TEP1: variants seen among roughly 807,000 people sequenced by gnomAD.
The protein encoded by TEP1 is telomerase protein component 1.
A neutral mutation model predicts 306.3 loss-of-function variants in TEP1; 241 were observed. The observed-to-expected ratio is 0.79, with a 90% confidence interval of 0.71 to 0.88. The LOEUF is 0.88. Among genes scored for constraint, TEP1 ranks in the 40% least tolerant of loss-of-function variants. The pLI, the probability that TEP1 is intolerant of heterozygous loss-of-function variation, is 0.00. For missense variants in TEP1, 3,051 were observed against 3,276.1 expected (o/e 0.93, Z 1.68); for synonymous variants, 1,289 against 1,305.5 (o/e 0.99, Z 0.27).
chr14:20,378,476 G>A lies in TEP1; in HGVS notation c.5412C>T (p.Asn1804=), dbSNP rs1400555145. Residue 1804 remains asparagine (N), a synonymous_variant, in exon 38 of 55, where the codon AAC becomes AAT. Transcript: ENST00000262715. The stretch of plus-strand genomic sequence containing the variant: ...GCCCCTCTGGGTGGAAGGCAACACA[G>A]TTCAGGGACTTGGGGTAGGTGTGCT... ...AFQHTYPKSL[N]CVAFHPEGQV... 2 of 1,614,242 alleles carry A rather than the reference G, an allele frequency of 1.2e-6. No homozygotes were observed.
Position 20,369,441 on chromosome 14 carries a change from T to C in TEP1, c.7559A>G (p.Asp2520Gly). 6.2e-7 allele frequency: 1 copy of C among 1,614,196 alleles called. No homozygotes were observed. Among genetic ancestry groups the C allele is most frequent in the Non-Finnish European group, 8.5e-7 (1 of 1,180,036 alleles). ...ATCAGATTCCCTGCAGGTAGATGGGTCTGTCCCTGGAGTTTGGGTTTCTGG... is the reference window on the plus strand; with the variant it reads ...ATCAGATTCCCTGCAGGTAGATGGGCCTGTCCCTGGAGTTTGGGTTTCTGG... ...NTPETQTPGT[D>G]PSTCRESDAS... Residue 2520 changes from aspartate to glycine, a missense_variant, in exon 53 of 55, where the codon GAC becomes GGC. Around this residue, in one of 3 missense-constraint regions of TEP1, gnomAD observed 1,540 missense variants for 1,705.9 expected, o/e 0.90. Coordinates refer to ENST00000262715, the MANE Select transcript of TEP1 (RefSeq NM_007110.5).
chr14:20,409,816 C>G (rs533851593), intron 1 of TEP1, among the ~76,000 whole-genome samples: 15 of 151,946 alleles, frequency 9.9e-5, no homozygotes, highest in Middle Eastern at 3.4e-3. Context: ...GTCAGGAGAT[C>G]GAGACCATCC....
chr14:20,392,397 C>T (rs1219100326), intron 12 of TEP1, among the ~76,000 whole-genome samples: 1 of 148,136 alleles, frequency 6.8e-6, no homozygotes, highest in Non-Finnish European at 1.5e-5. Context: ...GAGTAGTGGT[C>T]CCACTTAAAT....
chr14:20,378,980 C>T lies in TEP1; in HGVS notation c.5252+1G>A. ...CAAGACAAATGGGGAGGACCCCTTA[C>T]CGACAACCATGCTGCAGGTCCCAGA... On this transcript the variant is annotated splice_donor_variant, in intron 36 of 54. Transcript: ENST00000262715. LOFTEE classifies it high-confidence loss of function. The T allele has an allele frequency of 6.2e-7, 1 of 1,614,214 alleles. No individual in the cohort carries two copies. The highest frequency in any genetic ancestry group is 8.5e-7 in the Non-Finnish European group (1 of 1,180,034).
In TEP1 at chr14:20,375,865, G is replaced by A; in HGVS notation, c.6253C>T (p.Leu2085Phe). 6.2e-7 allele frequency: 1 copy of A among 1,609,362 alleles called. No homozygotes were observed. ...SLATGGRDRSLLCWDVRTPKT... is the reference protein window; with the variant it reads ...SLATGGRDRSFLCWDVRTPKT... ...GGTGTCCTCACGTCCCAGCAGAGGA[G>A]ACTCTGGATAGGCCCCAAGGAGAGG... is the stretch of plus-strand genomic sequence containing the variant. The change falls in exon 43 of 55, where the codon CTC becomes TTC. Residue 2085 changes from leucine to phenylalanine, a missense_variant. Physicochemically the swap from Leu to Phe is conservative, Grantham distance 22 (BLOSUM62 0). Transcript: ENST00000262715.
chr14:20,384,487 A>T lies in TEP1; in HGVS notation c.3243T>A (p.Gly1081=). The T allele has an allele frequency of 6.2e-7, 1 of 1,612,846 alleles. No homozygotes were observed. Among genetic ancestry groups the T allele is most frequent in the Middle Eastern group, 1.7e-4 (1 of 6,060 alleles). Reference sequence around the variant, plus strand: ...CAACATAGGGCCGGCCAGCTGCCACACCCCCCCACTCACAGGGGTATCTGT... The same window carrying T: ...CAACATAGGGCCGGCCAGCTGCCACTCCCCCCCACTCACAGGGGTATCTGT... ...TCRRYPCEWG[G]VAAGRPYVGG... Residue 1081 remains glycine, a synonymous_variant, in exon 23 of 55, where the codon GGT becomes GGA. Coordinates refer to ENST00000262715, the MANE Select transcript of TEP1 (RefSeq NM_007110.5).
intron 1 of TEP1, among the ~76,000 whole-genome samples, chr14:20,411,009 A>G (rs1056677234): frequency 6.6e-6 from 1 of 151,464 alleles, no homozygotes; most frequent in Non-Finnish European, 1.5e-5. Context: ...TGTAGTAGAG[A>G]CAGGGTTTCA....
intron 1 of TEP1, among the ~76,000 whole-genome samples, chr14:20,413,143 C>T (rs1879803749): frequency 6.6e-6 from 1 of 152,310 alleles, no homozygotes; most frequent in African/African-American, 2.4e-5. Context: ...TCCTGTCCCT[C>T]CCTCTCCTTC....
In TEP1 at chr14:20,378,522, A is replaced by T; in HGVS notation, c.5366T>A (p.Val1789Asp). Residue 1789 changes from valine to aspartate, a missense_variant, in exon 38 of 55, where the codon GTC becomes GAC. Val to Asp is a radical substitution (Grantham distance 152). Transcript: ENST00000262715. ...LGGCLKLWDT[V>D]RGQLAFQHTY... The stretch of plus-strand genomic sequence containing the variant: ...GTGCTGGAAGGCCAGCTGCCCACGG[A>T]CTGTGTCCCACAGCTGAGGGAGAGA... The T allele has an allele frequency of 6.2e-7, 1 of 1,614,222 alleles. No homozygotes were observed. The highest frequency in any genetic ancestry group is 8.5e-7 in the Non-Finnish European group (1 of 1,180,052).
intron 16 of TEP1, 140 bp from the exon 17 acceptor site, chr14:20,389,437 T>C (rs993862201): frequency 7.0e-7 from 1 of 1,427,062 alleles, no homozygotes; most frequent in Non-Finnish European, 9.8e-7. Context: ...GGGTGGACTC[T>C]CACAGAGGGG....
intron 9 of TEP1, among the ~76,000 whole-genome samples, chr14:20,397,830 T>C (rs920581923): frequency 2.0e-5 from 3 of 152,010 alleles, no homozygotes; most frequent in Non-Finnish European, 2.9e-5. Flanking sequence ...CTCAGCTCAC[T>C]GCAACCTCTG....
chr14:20,394,383 G>A (rs4982038), intron 12 of TEP1, among the ~76,000 whole-genome samples: 43,238 of 151,520 alleles, frequency 0.29, 6,657 homozygotes, highest in Non-Finnish European at 0.35. Flanking sequence ...CAACTCAGAC[G>A]TCACTAGCAT....
intron 18 of TEP1, among the ~76,000 whole-genome samples, chr14:20,387,008 C>G (rs1172525629): frequency 6.6e-6 from 1 of 151,388 alleles, no homozygotes; most frequent in Non-Finnish European, 1.5e-5. Context: ...GATCTCGGCT[C>G]ACTGCAACCT....
At chr14:20,376,031 GA>G (rs758311206) in intron 42 of TEP1, 72 bp downstream of exon 42, 1 of 1,571,966 alleles carries the variant, frequency 6.4e-7, no homozygotes, top group Non-Finnish European at 8.7e-7. Context: ...GAAGCAATGG[GA>G]AATGGGTTGT....
At chr14:20,376,441 G>A (rs922138184) in intron 41 of TEP1, among the ~76,000 whole-genome samples, 177 bp from the exon 42 acceptor site, 1 of 152,174 alleles carries the variant, frequency 6.6e-6, no homozygotes, top group African/African-American at 2.4e-5. Flanking sequence ...GGTCATCAGC[G>A]AGTGTGTACA....
chr14:20,399,408 C>T (rs552520737), intron 9 of TEP1, among the ~76,000 whole-genome samples: 1 of 152,178 alleles, frequency 6.6e-6, no homozygotes, highest in South Asian at 2.1e-4. Flanking sequence ...GCAAAATTCA[C>T]TAATTTCATT....
At chr14:20,394,474 C>CTGTTTT (rs1878012529) in intron 12 of TEP1, among the ~76,000 whole-genome samples, 1 of 100,456 alleles carries the variant, frequency 1.0e-5, no homozygotes, top group African/African-American at 4.0e-5. Context: ...GCCCCTTGGG[C>CTGTTTT]TTTTTTTTTT....
Position 20,387,958 on chromosome 14 carries a change from G to A in TEP1, c.2631C>T (p.Leu877=), listed in dbSNP as rs769020744. The change falls in exon 18 of 55, where the codon CTC becomes CTT. Residue 877 remains leucine, a synonymous_variant. Coordinates refer to ENST00000262715, the MANE Select transcript of TEP1 (RefSeq NM_007110.5). ...PPPGKTGVQS[L]RPLEEDTPSP... ...TTGGAGTGTCCTCTTCCAGTGGCCG[G>A]AGAGACTGGACCCCTGTCTTTCCTG... 2 of 1,614,140 alleles carry A rather than the reference G, an allele frequency of 1.2e-6. No homozygotes were observed. The highest frequency in any genetic ancestry group is 1.1e-5 in the South Asian group (1 of 91,050).
intron 41 of TEP1, among the ~76,000 whole-genome samples, 159 bp downstream of exon 41, chr14:20,377,121 A>G (rs972886262): frequency 1.3e-5 from 2 of 152,122 alleles, no homozygotes; most frequent in Non-Finnish European, 1.5e-5. Context: ...AGGCCGAGAC[A>G]GGAGAATTGC....
Sources: allele counts gnomAD v4.1 joint callset (sites outside exome capture counted in the v4.1 genomes callset), GRCh38; gene constraint gnomAD v4.1.1; regional missense constraint gnomAD v4.1.1; transcripts MANE v1.5; gene names NCBI Gene and HGNC (gene_info 2026-07-23, HGNC 2026-07-21).